The following ZCWPW2 variants were observed in gnomAD, a reference collection of about 807,000 sequenced individuals.
ZCWPW2 encodes zinc finger CW-type and PWWP domain containing 2.
A neutral mutation model predicts 46.6 loss-of-function variants in ZCWPW2; 45 were observed. The ratio of observed to expected loss-of-function variants is 0.96; its 90% confidence interval spans 0.76 to 1.24. The LOEUF (loss-of-function observed/expected upper bound fraction) is 1.24, where lower values mean the gene tolerates loss of function less well. Ranked by LOEUF, ZCWPW2 falls within the 50% of genes most tolerant of loss-of-function variation. The probability of loss-of-function intolerance (pLI) is 0.00; values close to 1 mark genes in which losing one functional copy is unlikely to be tolerated. For missense variants in ZCWPW2, 429 were observed against 403.9 expected, an observed-to-expected ratio of 1.06 and a Z score of -0.53; for synonymous variants, 152 against 137.1, an observed-to-expected ratio of 1.11 and a Z score of -0.76.
At chr3:28,349,638 G>T (rs1361008628) in intron 1 of ZCWPW2, among the ~76,000 whole-genome samples, 1 of 152,228 alleles carries the variant, frequency 6.6e-6, no homozygotes, top group Admixed American at 6.5e-5. Context: ...GTCCCTAGCT[G>T]TGGAGTCACA....
intron 4 of ZCWPW2, among the ~76,000 whole-genome samples, chr3:28,451,120 C>T (rs1359114001): frequency 2.6e-5 from 4 of 152,054 alleles, no homozygotes; most frequent in Admixed American, 6.6e-5. Context: ...CAGCCTGGAT[C>T]CTGAGGGACT....
At chr3:28,486,017 T>C (rs952147022) in intron 5 of ZCWPW2, among the ~76,000 whole-genome samples, 10 of 152,144 alleles carry the variant, frequency 6.6e-5, no homozygotes, top group Non-Finnish European at 2.9e-5. Context: ...CTTTCACTCT[T>C]TTTCTGTCTT....
intron 5 of ZCWPW2, among the ~76,000 whole-genome samples, chr3:28,482,400 A>G (rs961028266): frequency 6.6e-6 from 1 of 152,198 alleles, no homozygotes; most frequent in Non-Finnish European, 1.5e-5. Flanking sequence ...TCATTCACCT[A>G]TGAAAGGACA....
intron 2 of ZCWPW2, among the ~76,000 whole-genome samples, chr3:28,396,659 C>T (rs911733004): frequency 2.0e-5 from 3 of 152,120 alleles, no homozygotes; most frequent in Non-Finnish European, 2.9e-5. Flanking sequence ...TAGCCTGCAG[C>T]TAAAAATGGA....
intron 6 of ZCWPW2, among the ~76,000 whole-genome samples, chr3:28,509,552 T>TG (rs1223184066): frequency 6.6e-6 from 1 of 152,174 alleles, no homozygotes; most frequent in African/African-American, 2.4e-5. Context: ...TATGTCATTG[T>TG]GGTCTTGATT....
chr3:28,500,065 T>C (rs1700099599), intron 6 of ZCWPW2, among the ~76,000 whole-genome samples: 1 of 152,096 alleles, frequency 6.6e-6, no homozygotes, highest in Non-Finnish European at 1.5e-5. Context: ...GATGAAAAGC[T>C]TTATCAGTAT....
At chr3:28,491,479 A>G (rs1046764176) in intron 5 of ZCWPW2, among the ~76,000 whole-genome samples, 1 of 152,094 alleles carries the variant, frequency 6.6e-6, no homozygotes, top group Admixed American at 6.6e-5. Context: ...TAAATTTAGG[A>G]GTGGCATAAT....
chr3:28,373,980 G>C (rs1021560374), intron 1 of ZCWPW2, among the ~76,000 whole-genome samples: 5 of 152,108 alleles, frequency 3.3e-5, no homozygotes, highest in Non-Finnish European at 4.4e-5. Flanking sequence ...CCATGCAGAA[G>C]CTTTTTGGCT....
intron 4 of ZCWPW2, among the ~76,000 whole-genome samples, chr3:28,445,763 C>A (rs1207572061): frequency 6.6e-6 from 1 of 152,052 alleles, no homozygotes; most frequent in Non-Finnish European, 1.5e-5. Context: ...TAAAAAGACA[C>A]GATCTTACTA....
At chr3:28,474,627 G>C (rs548128335) in intron 4 of ZCWPW2, among the ~76,000 whole-genome samples, 1 of 150,728 alleles carries the variant, frequency 6.6e-6, no homozygotes, top group Admixed American at 6.6e-5. Context: ...GTGTGCGCGC[G>C]CGCGCGCGCG....
chr3:28,360,940 G>C (rs1704919228), intron 1 of ZCWPW2, among the ~76,000 whole-genome samples: 1 of 151,304 alleles, frequency 6.6e-6, no homozygotes, highest in Admixed American at 6.6e-5. Context: ...GCCCAGGAAA[G>C]TTATTTATGT....
intron 3 of ZCWPW2, among the ~76,000 whole-genome samples, chr3:28,434,708 C>G (rs898041012): frequency 5.9e-5 from 9 of 152,158 alleles, no homozygotes; most frequent in African/African-American, 2.2e-4. Context: ...CATCAGAAGC[C>G]ATGCTTAGTG....
chr3:28,499,397 A>G (rs1700082275), intron 6 of ZCWPW2, among the ~76,000 whole-genome samples: 1 of 152,142 alleles, frequency 6.6e-6, no homozygotes, highest in Admixed American at 6.6e-5. Context: ...TCTAATGACC[A>G]GTGATGATGA....
intron 6 of ZCWPW2, among the ~76,000 whole-genome samples, chr3:28,510,718 G>T (rs1700403563): frequency 6.6e-6 from 1 of 152,088 alleles, no homozygotes; most frequent in African/African-American, 2.4e-5. Context: ...AGCATTCCTA[G>T]CTGTTTCACT....
At chr3:28,365,542 T>G (rs1705094494) in intron 1 of ZCWPW2, among the ~76,000 whole-genome samples, 1 of 141,094 alleles carries the variant, frequency 7.1e-6, no homozygotes, top group African/African-American at 2.5e-5. Context: ...CTGTTTTGGT[T>G]ACCGTAGCCT....
At chr3:28,355,183 A>G (rs1414654447) in intron 1 of ZCWPW2, among the ~76,000 whole-genome samples, 1 of 152,234 alleles carries the variant, frequency 6.6e-6, no homozygotes, top group African/African-American at 2.4e-5. Flanking sequence ...ATGTGCAAAA[A>G]TCACAAGCAT....
intron 1 of ZCWPW2, among the ~76,000 whole-genome samples, chr3:28,386,662 C>A (rs988378738): frequency 6.6e-6 from 1 of 152,006 alleles, no homozygotes; most frequent in Non-Finnish European, 1.5e-5. Flanking sequence ...TGTATTGATT[C>A]TTTTAAAAAT....
chr3:28,521,445 A>G (rs769463263), intron 9 of ZCWPW2, among the ~76,000 whole-genome samples: 2 of 152,182 alleles, frequency 1.3e-5, no homozygotes, highest in South Asian at 4.1e-4. Flanking sequence ...CAATCTTTAC[A>G]GTCAGGAGAG....
chr3:28,409,319 T>C (rs1396924087), intron 2 of ZCWPW2, among the ~76,000 whole-genome samples: 2 of 151,810 alleles, frequency 1.3e-5, no homozygotes, highest in African/African-American at 4.8e-5. Flanking sequence ...TGGGTTTCGC[T>C]ATGTTGACCA....
Sources: gnomAD v4.1 joint callset for allele counts (sites outside exome capture counted in the v4.1 genomes callset) on GRCh38, gnomAD v4.1.1 for gene constraint, MANE v1.5 for transcripts, NCBI Gene and HGNC (gene_info 2026-07-23, HGNC 2026-07-21) for gene names.